CNBD1: variants seen among roughly 807,000 people sequenced by gnomAD.
CNBD1 encodes the protein cyclic nucleotide binding domain containing 1, also known as cyclic nucleotide-binding domain-containing protein 1.
A neutral mutation model predicts 54.4 loss-of-function variants in CNBD1; 71 were observed. That is an observed-to-expected ratio of 1.30 (90% confidence interval 1.08 to 1.59). CNBD1 has a LOEUF of 1.59. Ranked by LOEUF, CNBD1 falls within the 40% of genes most tolerant of loss-of-function variation. The pLI, the probability that CNBD1 is intolerant of heterozygous loss-of-function variation, is 0.00. For missense variants in CNBD1, 659 were observed against 518.0 expected (o/e 1.27, Z -2.64); for synonymous variants, 182 against 170.7 (o/e 1.07, Z -0.51).
intron 4 of CNBD1, among the ~76,000 whole-genome samples, chr8:86,958,718 G>A (rs928202642): frequency 6.6e-6 from 1 of 152,030 alleles, no homozygotes; most frequent in African/African-American, 2.4e-5. Flanking sequence ...CAGCCTATGT[G>A]TGTCTCTGCA....
At chr8:87,418,211 A>G (rs533472479) in intron 2 of CNBD1, among the ~76,000 whole-genome samples, 132 of 152,094 alleles carry the variant, frequency 8.7e-4, no homozygotes, top group African/African-American at 3.1e-3. Context: ...TAATAGAATA[A>G]TATAAGAGTC....
At chr8:86,976,325 T>C (rs570017677) in intron 4 of CNBD1, among the ~76,000 whole-genome samples, 1 of 151,940 alleles carries the variant, frequency 6.6e-6, no homozygotes, top group South Asian at 2.1e-4. Flanking sequence ...CACGGAGCTT[T>C]CCCCTATATT....
chr8:86,897,300 G>A (rs1387708502), intron 2 of CNBD1, among the ~76,000 whole-genome samples: 1 of 152,110 alleles, frequency 6.6e-6, no homozygotes, highest in Non-Finnish European at 1.5e-5. Flanking sequence ...TGAAACATAT[G>A]GGTGTTTAAT....
intron 4 of CNBD1, among the ~76,000 whole-genome samples, chr8:87,153,289 G>T (rs568200391): frequency 6.6e-6 from 1 of 152,274 alleles, no homozygotes; most frequent in South Asian, 2.1e-4. Context: ...ATATCAGACT[G>T]CCATTTCTAC....
chr8:86,889,904 ATAAGT>A (rs964708973), intron 2 of CNBD1, among the ~76,000 whole-genome samples: 23 of 152,272 alleles, frequency 1.5e-4, no homozygotes, highest in Non-Finnish European at 1.3e-4. Context: ...TTGATTATAA[ATAAGT>A]TAGGATAGAT....
chr8:87,269,054 A>G (rs1276189769), intron 6 of CNBD1, among the ~76,000 whole-genome samples: 1 of 152,012 alleles, frequency 6.6e-6, no homozygotes, highest in Non-Finnish European at 1.5e-5. Flanking sequence ...GTATTGTTTT[A>G]GGTTTTACAT....
intron 4 of CNBD1, among the ~76,000 whole-genome samples, chr8:87,161,113 AT>A (rs1812848823): frequency 6.6e-6 from 1 of 152,156 alleles, no homozygotes; most frequent in African/African-American, 2.4e-5. Context: ...TCATGAGGAT[AT>A]TCAAGGACTA....
intron 8 of CNBD1, among the ~76,000 whole-genome samples, chr8:87,306,488 G>A (rs561858604): frequency 1.3e-5 from 2 of 152,282 alleles, no homozygotes; most frequent in South Asian, 2.1e-4. Context: ...CAAAATCATG[G>A]AACCAATCCA....
chr8:86,955,912 A>G (rs1178190892), intron 4 of CNBD1, among the ~76,000 whole-genome samples: 2 of 152,194 alleles, frequency 1.3e-5, no homozygotes, highest in African/African-American at 4.8e-5. Flanking sequence ...GCCCATGCCT[A>G]TATCCTGAAT....
chr8:87,371,649 G>T (rs1193264062), intron 10 of CNBD1, among the ~76,000 whole-genome samples: 1 of 151,884 alleles, frequency 6.6e-6, no homozygotes, highest in Non-Finnish European at 1.5e-5. Flanking sequence ...ATGATCAAGT[G>T]GGCTTCATCC....
At chr8:86,995,922 T>C (rs1007586999) in intron 4 of CNBD1, among the ~76,000 whole-genome samples, 1 of 152,196 alleles carries the variant, frequency 6.6e-6, no homozygotes, top group Non-Finnish European at 1.5e-5. Context: ...GTATTTTTCT[T>C]GTCAAAAATC....
Position 87,019,665 on chromosome 8 carries a change from G to A in CNBD1, c.431+79911G>A, listed in dbSNP as rs1015329149. ...GGCCGAGGTGGGCGGATCACCTAAC[G>A]TCGGGAGTTCGAGACCAGCCTGGCC... On this transcript the variant is annotated intron_variant, in intron 4 of 10. Coordinates refer to ENST00000518476, the MANE Select transcript of CNBD1 (RefSeq NM_173538.3). Among the ~76,000 whole-genome samples, 5 of 152,230 alleles carry A rather than the reference G, an allele frequency of 3.3e-5. No individual in the cohort carries two copies. The South Asian group carries it at 6.2e-4, about 19-fold the overall frequency.
chr8:87,272,502 G>C (rs1280039519), intron 6 of CNBD1, among the ~76,000 whole-genome samples: 1 of 151,950 alleles, frequency 6.6e-6, no homozygotes, highest in Non-Finnish European at 1.5e-5. Flanking sequence ...ATGAAAATGT[G>C]AGCAATTGAA....
chr8:87,081,417 A>C (rs1810987755), intron 4 of CNBD1, among the ~76,000 whole-genome samples: 1 of 151,938 alleles, frequency 6.6e-6, no homozygotes, highest in African/African-American at 2.4e-5. Flanking sequence ...CATGCCTACA[A>C]TATCAATTAT....
intron 1 of CNBD1, among the ~76,000 whole-genome samples, chr8:86,866,977 C>G (rs1170850082): frequency 6.6e-6 from 1 of 152,102 alleles, no homozygotes. Flanking sequence ...ATAATTAATA[C>G]TTAATATTCT....
At chr8:87,343,851 A>G (rs1278661895) in intron 8 of CNBD1, among the ~76,000 whole-genome samples, 1 of 152,264 alleles carries the variant, frequency 6.6e-6, no homozygotes, top group African/African-American at 2.4e-5. Context: ...TAATATATAA[A>G]TATGTAGATA....
intron 10 of CNBD1, among the ~76,000 whole-genome samples, chr8:87,378,811 G>T (rs550448556): frequency 6.6e-6 from 1 of 150,722 alleles, no homozygotes; most frequent in Non-Finnish European, 1.5e-5. Context: ...CCATTTGTTT[G>T]TATCCGCTTT....
rs191796635 is a variant in CNBD1 at position 87,233,176 on chromosome 8, A to G, written c.578-3743A>G. ...TACATGTAGATAACTTAGCATGACA[A>G]TCTTTGATCTGGACGTTGATCCTAG... On this transcript the variant is annotated intron_variant, in intron 5 of 10. Transcript: ENST00000518476. 3.5e-3 allele frequency among the ~76,000 whole-genome samples: 535 copies of G among 152,308 alleles called. 4 individuals carry two copies. Among genetic ancestry groups the G allele is most frequent in the African/African-American group, 0.012 (514 of 41,568 alleles).
At position 87,369,094 on chromosome 8, in the gene CNBD1, G is replaced by A. The variant is rs1810705313; in HGVS notation, c.1304-13526G>A. ...TTTTTTAATCCATTATCCTTATGTA[G>A]TTATTTTATTCCATATATTTTAGCC... On this transcript the variant is annotated intron_variant, in intron 10 of 10. Coordinates refer to ENST00000518476, the MANE Select transcript of CNBD1 (RefSeq NM_173538.3). Among the ~76,000 whole-genome samples, 4 of 151,822 alleles carry A rather than the reference G, an allele frequency of 2.6e-5. No individual in the cohort carries two copies. The South Asian group carries it at 6.2e-4, about 24-fold the overall frequency.
Sources: gnomAD v4.1 joint callset for allele counts (sites outside exome capture counted in the v4.1 genomes callset) on GRCh38, gnomAD v4.1.1 for gene constraint, MANE v1.5 for transcripts, NCBI Gene and HGNC (gene_info 2026-07-23, HGNC 2026-07-21) for gene names.